Variants in HERC2 observed in about 807,000 individuals in gnomAD.
HERC2 encodes HECT and RLD domain containing E3 ubiquitin protein ligase 2, also known as E3 ubiquitin-protein ligase HERC2.
A neutral mutation model predicts 537.7 loss-of-function variants in HERC2; 102 were observed. That is an observed-to-expected ratio of 0.19 (90% CI 0.16 to 0.22). The LOEUF (loss-of-function observed/expected upper bound fraction) is 0.22, where lower values mean the gene tolerates loss of function less well. Among genes scored for constraint, HERC2 ranks in the 10% least tolerant of loss-of-function variants. The probability of loss-of-function intolerance (pLI) is 1.00; values close to 1 mark genes in which losing one functional copy is unlikely to be tolerated. For synonymous variants in HERC2, 2,224 were observed against 2,466.2 expected, an observed-to-expected ratio of 0.90 and a Z score of 2.91; for missense variants, 4,236 against 6,198.2, an observed-to-expected ratio of 0.68 and a Z score of 10.63.
At chr15:28,174,010 A>C (rs1894978201) in intron 65 of HERC2, among the ~76,000 whole-genome samples, 1 of 151,816 alleles carries the variant, frequency 6.6e-6, no homozygotes, top group South Asian at 2.1e-4. Context: ...ACATATTCCA[A>C]AGTCAATCAA....
Position 28,280,093 on chromosome 15 carries a change from A to C in HERC2, c.517T>G (p.Ser173Ala), listed in dbSNP as rs113149522. The C allele has an allele frequency of 1.9e-5, 31 of 1,613,912 alleles. No individual in the cohort carries two copies. The African/African-American group carries it at 2.5e-4, about 13-fold the overall frequency. The change falls in exon 5 of 93, where the codon TCT becomes GCT. Residue 173 changes from serine (S) to alanine (A), a missense_variant. Around this residue, in one of 27 missense-constraint regions of HERC2, gnomAD observed 491 missense variants for 559.3 expected, o/e 0.88. Transcript: ENST00000261609. ...CTTTTTTTGTCCACAGGAGGCAGAG[A>C]AATACCGCTGCTTTTCCACTTAACT... ...VKVKWKSSGI[S>A]LPPVDKKSSR... is the part of the protein sequence containing the mutation.
rs1351157107 is a variant in HERC2 at position 28,269,290 on chromosome 15, G to A, written c.1404C>T (p.Arg468=). 2 of 1,614,098 alleles carry A rather than the reference G, an allele frequency of 1.2e-6. No individual in the cohort carries two copies. The highest frequency in any genetic ancestry group is 1.7e-6 in the Non-Finnish European group (2 of 1,179,992). The change falls in exon 11 of 93, where the codon CGC becomes CGT. Residue 468 remains arginine (R), a synonymous_variant. Transcript: ENST00000261609. ...AGGCCTGTGTGTACACGCGGCCATT[G>A]CGTGACAGAATCAGGAAACGCTTCT... ...CAEKRFLILS[R]NGRVYTQAYN...
At chr15:28,238,534 G>C in intron 24 of HERC2, 68 bp downstream of exon 24, 1 of 1,322,014 alleles carries the variant, frequency 7.6e-7, no homozygotes, top group Non-Finnish European at 1.1e-6. Context: ...TCATTTATAA[G>C]CCAAATACTC....
rs2075400246 is a variant in HERC2, at chr15:28,260,957, A to G, written c.2136T>C (p.Ile712=). The G allele has an allele frequency of 6.2e-7, 1 of 1,613,686 alleles. No homozygotes were observed. Among genetic ancestry groups the G allele is most frequent in the Middle Eastern group, 1.7e-4 (1 of 6,048 alleles). The change falls in exon 16 of 93, where the codon ATT becomes ATC. Residue 712 remains isoleucine, a synonymous_variant. Transcript: ENST00000261609. ...AGTGGGTGGAGCCTGCAGCCACATC[A>G]ATCACCTTCTTCCCTACAAGGGAAG... ...LLEGLQGKKV[I]DVAAGSTHCL...
rs1890550971 is a variant in HERC2 at position 28,135,557 on chromosome 15, A to C, written c.12151T>G (p.Cys4051Gly). ...TCTCCTTCTGAAGACAGGGCAAGGC[A>C]GTGCTTTCCTCCAGAGTTCACAGCT... Reference protein sequence around the residue: ...KVAVNSGGKHCLALSSEGEVY... With the variant: ...KVAVNSGGKHGLALSSEGEVY... The change falls in exon 79 of 93, where the codon TGC (cysteine) becomes GGC (glycine). Residue 4051 changes from cysteine to glycine, a missense_variant. Transcript: ENST00000261609. 6.2e-7 allele frequency: 1 copy of C among 1,614,132 alleles called. No homozygotes were observed. Among genetic ancestry groups the C allele is most frequent in the African/African-American group, 1.3e-5 (1 of 74,948 alleles).
At chr15:28,193,833 TA>T (rs1474598986) in intron 52 of HERC2, among the ~76,000 whole-genome samples, 1 of 151,914 alleles carries the variant, frequency 6.6e-6, no homozygotes, top group Non-Finnish European at 1.5e-5. Context: ...TTTTCAAAAA[TA>T]AAGGAGAAAT....
intron 56 of HERC2, among the ~76,000 whole-genome samples, chr15:28,184,613 G>C (rs1303598012): frequency 6.6e-6 from 1 of 152,040 alleles, no homozygotes; most frequent in Non-Finnish European, 1.5e-5. Context: ...TATAATCCCA[G>C]CACTTTGGGA....
intron 2 of HERC2, among the ~76,000 whole-genome samples, chr15:28,307,233 T>G (rs1403533428): frequency 6.6e-6 from 1 of 152,260 alleles, no homozygotes; most frequent in East Asian, 1.9e-4. Flanking sequence ...TCAGTTGTAA[T>G]GCCTACTTTT....
At position 28,257,068 on chromosome 15, in the gene HERC2, C is replaced by T. The variant is rs753583620; in HGVS notation, c.2510G>A (p.Arg837Gln). 17 of 1,613,116 alleles carry T rather than the reference C, an allele frequency of 1.1e-5. No homozygotes were observed. Among genetic ancestry groups the T allele is most frequent in the Middle Eastern group, 1.7e-4 (1 of 6,052 alleles). ...AAGGGAAATCATGAATACCTGAAGT[C>T]GTAGAAGATTCAGCGTTGCCACGGC... ...CVAVATLNLL[R>Q]LQLHAAISHQ... Residue 837 changes from arginine to glutamine, a missense_variant, in exon 17 of 93, where the codon CGA (arginine) becomes CAA (glutamine). Around this residue, in one of 27 missense-constraint regions of HERC2, gnomAD observed 754 missense variants for 1,085.0 expected, o/e 0.69. Transcript: ENST00000261609.
At chr15:28,168,626 C>A in intron 66 of HERC2, 36 bp from the exon 67 acceptor site, 6 of 1,589,024 alleles carry the variant, frequency 3.8e-6, no homozygotes, top group Non-Finnish European at 5.1e-6. Flanking sequence ...TGGTGAGCTG[C>A]CCCTTCTCCA....
rs1566918413 is a variant in HERC2 at position 28,125,076 on chromosome 15, G to T, written c.12920C>A (p.Ala4307Asp). The T allele has an allele frequency of 1.2e-6, 2 of 1,613,822 alleles. No homozygotes were observed. The highest frequency in any genetic ancestry group is 3.3e-5 in the Admixed American group (2 of 60,020). Residue 4307 changes from alanine (A) to aspartate (D), a missense_variant, in exon 84 of 93, where the codon GCC (alanine) becomes GAC (aspartate). Transcript: ENST00000261609. The part of the protein sequence containing the change: ...ALQGKKVNRV[A>D]CGSAHTLAWS... Reference sequence around the variant, plus strand: ...GGCGAGGGTATGTGCTGAGCCACAGGCCACACGGTTGACCTTCTTACCCTG... The same window carrying T: ...GGCGAGGGTATGTGCTGAGCCACAGTCCACACGGTTGACCTTCTTACCCTG...
At chr15:28,171,634 C>CT (rs1227082235) in intron 65 of HERC2, among the ~76,000 whole-genome samples, 1 of 151,626 alleles carries the variant, frequency 6.6e-6, no homozygotes, top group Non-Finnish European at 1.5e-5. Flanking sequence ...ATGAAGCTCA[C>CT]TTTTTTTAAA....
intron 12 of HERC2, among the ~76,000 whole-genome samples, chr15:28,267,783 C>T (rs1228116253): frequency 2.6e-5 from 4 of 152,254 alleles, no homozygotes; most frequent in South Asian, 2.1e-4. Flanking sequence ...GACACAAGTG[C>T]AGTCATGACT....
intron 70 of HERC2, among the ~76,000 whole-genome samples, chr15:28,148,562 C>A (rs1199200021): frequency 6.6e-6 from 1 of 152,314 alleles, no homozygotes; most frequent in East Asian, 1.9e-4. Context: ...ACCCCTTACC[C>A]GAGAACATCA....
At chr15:28,283,337 C>G (rs2442401) in intron 4 of HERC2, among the ~76,000 whole-genome samples, 4 of 152,170 alleles carry the variant, frequency 2.6e-5, no homozygotes, top group Non-Finnish European at 1.5e-5. Context: ...AACTATCGTG[C>G]ATTAACAAGT....
At chr15:28,141,386 C>T in intron 78 of HERC2, 46 bp downstream of exon 78, 2 of 1,568,604 alleles carry the variant, frequency 1.3e-6, no homozygotes, top group East Asian at 2.2e-5. Flanking sequence ...TTAGCCACAA[C>T]TGCCTCAGGC....
At chr15:28,121,739 C>A (rs1226719871) in intron 85 of HERC2, among the ~76,000 whole-genome samples, 2 of 152,198 alleles carry the variant, frequency 1.3e-5, no homozygotes, top group Non-Finnish European at 2.9e-5. Flanking sequence ...ACAGGGAGGG[C>A]TGGGCCTGGC....
chr15:28,194,461 T>A lies in HERC2; in HGVS notation c.8260+1754A>T, dbSNP rs547240015. 2.6e-5 allele frequency among the ~76,000 whole-genome samples: 4 copies of A among 151,066 alleles called. No homozygotes were observed. The South Asian group carries it at 8.4e-4, about 32-fold the overall frequency. ...GGCGGGCGCCTGTAGTCGCAGCTAC[T>A]CGGGAGGCTGAAGCGGGAGAATGGC... On this transcript the variant is annotated intron_variant, in intron 52 of 92. Coordinates refer to ENST00000261609, the MANE Select transcript of HERC2 (RefSeq NM_004667.6).
intron 2 of HERC2, among the ~76,000 whole-genome samples, chr15:28,311,679 C>G (rs2076949584): frequency 6.6e-6 from 1 of 151,868 alleles, no homozygotes; most frequent in Admixed American, 6.6e-5. Flanking sequence ...GGGCTAGAGA[C>G]TCAAATCTGG....
Sources: allele counts gnomAD v4.1 joint callset (sites outside exome capture counted in the v4.1 genomes callset), GRCh38; gene constraint gnomAD v4.1.1; regional missense constraint gnomAD v4.1.1; transcripts MANE v1.5; gene names NCBI Gene and HGNC (gene_info 2026-07-23, HGNC 2026-07-21).